The following EVC2 variants were observed in gnomAD, a reference collection of about 807,000 sequenced individuals.
EVC2 encodes the protein limbin.
In EVC2, 148 loss-of-function variants were observed where a neutral mutation model predicts 149.3. That is an observed-to-expected ratio of 0.99 (90% CI 0.87 to 1.14). The LOEUF is 1.14. Among genes scored for constraint, EVC2 ranks in the 50% most tolerant of loss-of-function variants. The probability of loss-of-function intolerance (pLI) is 0.00; values close to 1 mark genes in which losing one functional copy is unlikely to be tolerated. For synonymous variants in EVC2, 776 were observed against 649.9 expected, an observed-to-expected ratio of 1.19 and a Z score of -2.95; for missense variants, 1,854 against 1,627.3, an observed-to-expected ratio of 1.14 and a Z score of -2.40.
chr4:5,707,319 A>C (rs1362087360), intron 1 of EVC2, among the ~76,000 whole-genome samples: 1 of 152,110 alleles, frequency 6.6e-6, no homozygotes, highest in Non-Finnish European at 1.5e-5. Context: ...AAGAGACTAA[A>C]CCTCTGCCAG....
At chr4:5,553,486 T>C (rs934089744) in intron 21 of EVC2, among the ~76,000 whole-genome samples, 5 of 152,122 alleles carry the variant, frequency 3.3e-5, no homozygotes, top group African/African-American at 1.2e-4. Context: ...GACTTAACCA[T>C]GACAAGGGCT....
intron 5 of EVC2, among the ~76,000 whole-genome samples, chr4:5,688,848 A>G (rs1454175279): frequency 1.3e-5 from 2 of 152,194 alleles, no homozygotes; most frequent in African/African-American, 4.8e-5. Flanking sequence ...TGTCAACTCT[A>G]TCTTTGTGCA....
At chr4:5,575,143 G>A (rs1722846490) in intron 18 of EVC2, among the ~76,000 whole-genome samples, 1 of 152,190 alleles carries the variant, frequency 6.6e-6, no homozygotes. Flanking sequence ...TGTGCCCTTG[G>A]ATTGATGCAG....
chr4:5,533,505 T>G, the EVC2 span, among the ~76,000 whole-genome samples: 1 of 152,134 alleles, frequency 6.6e-6, no homozygotes, highest in Non-Finnish European at 1.5e-5. Context: ...CTGCCTGGGA[T>G]GGGAAGCCCT....
At chr4:5,609,329 C>T (rs1714642050) in intron 16 of EVC2, among the ~76,000 whole-genome samples, 1 of 152,184 alleles carries the variant, frequency 6.6e-6, no homozygotes, top group South Asian at 2.1e-4. Flanking sequence ...TGTCATTTTT[C>T]CCTCTGCAAT....
chr4:5,601,026 C>T (rs573026831), intron 16 of EVC2, among the ~76,000 whole-genome samples: 29 of 152,322 alleles, frequency 1.9e-4, no homozygotes, highest in Admixed American at 1.0e-3. Context: ...CATGCCTTTA[C>T]CATCTAGACA....
chr4:5,599,634 A>G (rs1396043985), intron 16 of EVC2, among the ~76,000 whole-genome samples: 1 of 152,172 alleles, frequency 6.6e-6, no homozygotes, highest in Non-Finnish European at 1.5e-5. Flanking sequence ...TGACGAGTTA[A>G]TGGGTGCAGC....
At chr4:5,583,879 G>C (rs1300317522) in intron 17 of EVC2, among the ~76,000 whole-genome samples, 1 of 147,074 alleles carries the variant, frequency 6.8e-6, no homozygotes, top group Non-Finnish European at 1.5e-5. Flanking sequence ...TTTTTGAGAC[G>C]GAGTCTTGCT....
chr4:5,680,588 C>A (rs1404963129), intron 7 of EVC2, among the ~76,000 whole-genome samples: 1 of 152,182 alleles, frequency 6.6e-6, no homozygotes, highest in African/African-American at 2.4e-5. Flanking sequence ...GTTGGGGACC[C>A]TGACATTCTA....
Position 5,569,936 on chromosome 4 carries a change from C to G in EVC2, c.3361-1296G>C, listed in dbSNP as rs910060025. Among the ~76,000 whole-genome samples, 5 of 152,182 alleles carry G rather than the reference C, an allele frequency of 3.3e-5. No homozygotes were observed. The highest frequency in any genetic ancestry group is 1.2e-4 in the African/African-American group (5 of 41,452). ...CTTGTTCTTCCCTGACCGTCCTGCT[C>G]GCCCAGGCCACTGAGCCCTTACCCA... is the stretch of plus-strand genomic sequence containing the variant. On this transcript the variant is annotated intron_variant, in intron 19 of 21. Transcript: ENST00000344408. The surrounding 1 kb of genome is among the most constrained non-coding windows in gnomAD (Gnocchi z 4.8).
rs1285851202 is a variant in EVC2, at chr4:5,637,257, G to A, written c.1470+3257C>T. ...ACATTCTAGGTGCCCCACAGGACGG[G>A]TTCACATGGGGCGCACAGCAGGGGG... On this transcript the variant is annotated intron_variant, in intron 10 of 21. Transcript: ENST00000344408. This position sits in a 1 kb window ranked among gnomAD's most constrained non-coding sequence, Gnocchi z 4.4. Among the ~76,000 whole-genome samples the A allele has an allele frequency of 6.6e-6, 1 of 152,210 alleles. No homozygotes were observed. The highest frequency in any genetic ancestry group is 1.5e-5 in the Non-Finnish European group (1 of 68,038).
intron 6 of EVC2, among the ~76,000 whole-genome samples, chr4:5,684,602 GCAGC>G (rs33947994): frequency 0.93 from 141,396 of 152,008 alleles, 65,887 homozygotes; most frequent in African/African-American, 0.97. Flanking sequence ...GCCAGGACAG[GCAGC>G]CAGCCAGCCA....
intron 21 of EVC2, among the ~76,000 whole-genome samples, chr4:5,552,632 A>G (rs13138875): frequency 0.5 from 76,042 of 152,072 alleles, 21,690 homozygotes; most frequent in Non-Finnish European, 0.66. Flanking sequence ...ATGGCACAGG[A>G]CCATGAATAA....
intron 19 of EVC2, among the ~76,000 whole-genome samples, chr4:5,570,252 G>C (rs1722565430): frequency 6.6e-6 from 1 of 152,202 alleles, no homozygotes; most frequent in Admixed American, 6.5e-5. Flanking sequence ...TGGATAAACA[G>C]TGACTTCATA....
At chr4:5,632,488 C>T (rs906302536) in intron 10 of EVC2, among the ~76,000 whole-genome samples, 1 of 152,162 alleles carries the variant, frequency 6.6e-6, no homozygotes, top group Admixed American at 6.5e-5. Flanking sequence ...AGAATATTTA[C>T]AGGGGTGGAA....
chr4:5,560,209 T>G (rs1382723608), downstream of EVC2, among the ~76,000 whole-genome samples: 1 of 152,018 alleles, frequency 6.6e-6, no homozygotes, highest in Non-Finnish European at 1.5e-5. The surrounding 1 kb of genome is among the most constrained non-coding windows in gnomAD (Gnocchi z 4.1). Context: ...TTCTCTCTCA[T>G]GAGTAGGCTT....
chr4:5,663,085 T>C (rs774558603), intron 9 of EVC2, 22 bp downstream of exon 9: 6 of 1,613,630 alleles, frequency 3.7e-6, no homozygotes, highest in South Asian at 1.1e-5. Flanking sequence ...TGTGTAAGTA[T>C]AATGGGATTT....
At chr4:5,575,784 GGTCT>G (rs1722889479) in intron 18 of EVC2, among the ~76,000 whole-genome samples, 2 of 152,138 alleles carry the variant, frequency 1.3e-5, no homozygotes, top group African/African-American at 4.8e-5. Flanking sequence ...AAAGACTGGG[GGTCT>G]GTCTGTTTTA....
At chr4:5,656,984 A>G (rs925555801) in intron 9 of EVC2, among the ~76,000 whole-genome samples, 3 of 152,098 alleles carry the variant, frequency 2.0e-5, no homozygotes, top group Non-Finnish European at 4.4e-5. Context: ...GGAGTCACCA[A>G]CACGGTAAGT....
Sources: gnomAD v4.1 joint callset for allele counts (sites outside exome capture counted in the v4.1 genomes callset) on GRCh38, gnomAD v4.1.1 for gene constraint, Gnocchi (gnomAD v3.1) non-coding constraint, MANE v1.5 for transcripts, NCBI Gene and HGNC (gene_info 2026-07-23, HGNC 2026-07-21) for gene names.